F13A1: variants seen among roughly 807,000 people sequenced by gnomAD.
F13A1 encodes FSF, A subunit.
Under a neutral mutation model 80.1 loss-of-function variants are expected in F13A1, and 47 were observed. The ratio of observed to expected loss-of-function variants is 0.59; its 90% CI spans 0.46 to 0.75. The LOEUF is 0.75. Among genes scored for constraint, F13A1 ranks in the 30% least tolerant of loss-of-function variants. F13A1 has a pLI of 0.00. For synonymous variants in F13A1, 349 were observed against 344.9 expected (o/e 1.01, Z -0.13); for missense variants, 817 against 930.4 (o/e 0.88, Z 1.59).
At chr6:6,160,226 G>A (rs1012453091) in intron 13 of F13A1, among the ~76,000 whole-genome samples, 1 of 146,548 alleles carries the variant, frequency 6.8e-6, no homozygotes, top group Admixed American at 6.8e-5. Context: ...GCAGTGAGCC[G>A]AGATCACACC....
At chr6:6,310,303 T>C (rs2755413) in intron 2 of F13A1, among the ~76,000 whole-genome samples, 119,401 of 152,154 alleles carry the variant, frequency 0.78, 47,583 homozygotes, top group African/African-American at 0.93. Flanking sequence ...GGTTTCCAAA[T>C]GTAAATGACT....
intron 14 of F13A1, among the ~76,000 whole-genome samples, chr6:6,150,899 C>T (rs571131242): frequency 1.3e-5 from 2 of 152,140 alleles, no homozygotes; most frequent in Admixed American, 1.3e-4. Flanking sequence ...GAAATAAAGT[C>T]AGGACAGATA....
chr6:6,255,575 A>G (rs1757692510), intron 4 of F13A1, among the ~76,000 whole-genome samples: 1 of 152,098 alleles, frequency 6.6e-6, no homozygotes, highest in Non-Finnish European at 1.5e-5. Flanking sequence ...GATGGGGAAG[A>G]TGTCTGGAGC....
At chr6:6,246,550 A>C (rs1045015232) in intron 6 of F13A1, among the ~76,000 whole-genome samples, 2 of 152,224 alleles carry the variant, frequency 1.3e-5, no homozygotes, top group African/African-American at 2.4e-5. Context: ...TTCTCTGTCT[A>C]GTTTTAAATC....
chr6:6,185,425 T>C (rs2151078340), intron 10 of F13A1, among the ~76,000 whole-genome samples: 1 of 146,484 alleles, frequency 6.8e-6, no homozygotes, highest in Non-Finnish European at 1.5e-5. Context: ...AGAATGATGA[T>C]GTGATCTCAT....
chr6:6,267,184 T>A (rs1757857192), intron 3 of F13A1, among the ~76,000 whole-genome samples: 1 of 152,230 alleles, frequency 6.6e-6, no homozygotes, highest in Non-Finnish European at 1.5e-5. Context: ...TGTGCAATTC[T>A]GTGAGGATGC....
intron 1 of F13A1, among the ~76,000 whole-genome samples, chr6:6,320,032 G>A (rs921244991): frequency 7.8e-4 from 119 of 152,348 alleles, no homozygotes; most frequent in East Asian, 5.8e-4. Flanking sequence ...TGCTAAGGGG[G>A]AGAAGGGGGG....
intron 2 of F13A1, among the ~76,000 whole-genome samples, chr6:6,313,841 T>C (rs1758641699): frequency 1.3e-5 from 2 of 152,192 alleles, no homozygotes; most frequent in Admixed American, 1.3e-4. Flanking sequence ...GTTGAAGGAT[T>C]GCTCAGGTGC....
rs535808293 is a variant in F13A1 at position 6,320,559 on chromosome 6, CT to C, written c.-19+27del. The C allele has an allele frequency of 4.4e-4, 195 of 447,936 alleles. 1 individual carries two copies. Among genetic ancestry groups the C allele is most frequent in the African/African-American group, 3.1e-3 (152 of 49,458 alleles). 27.7% of individuals were successfully genotyped at this position (447,936 alleles called of 1,614,324 possible). ...AGAAGGTGGACGCAGCGGGCCCTGG[CT>C]CATAGGGTGCAGGGTCGGTGGCTTA... On this transcript the variant is annotated intron_variant, in intron 1 of 14. Transcript: ENST00000264870.
chr6:6,228,009 T>A (rs1483767191), intron 6 of F13A1, among the ~76,000 whole-genome samples: 1 of 152,186 alleles, frequency 6.6e-6, no homozygotes, highest in African/African-American at 2.4e-5. Context: ...ATATCTCCCC[T>A]CATAAGCAAC....
At chr6:6,210,895 A>AT (rs1459612807) in intron 8 of F13A1, among the ~76,000 whole-genome samples, 2 of 151,784 alleles carry the variant, frequency 1.3e-5, no homozygotes, top group East Asian at 1.9e-4. Context: ...CGCCCAGCTA[A>AT]TTTTTTTGTA....
At chr6:6,195,752 G>T (rs756017371) in intron 10 of F13A1, 45 bp downstream of exon 10, 2 of 1,547,232 alleles carry the variant, frequency 1.3e-6, no homozygotes, top group African/African-American at 2.7e-5. Flanking sequence ...CATGTGTTAA[G>T]AGGTTGGGGA....
chr6:6,186,602 A>C (rs1761084291), intron 10 of F13A1, among the ~76,000 whole-genome samples: 1 of 152,224 alleles, frequency 6.6e-6, no homozygotes, highest in South Asian at 2.1e-4. Flanking sequence ...TGGTACCAGT[A>C]CCATGCTGTT....
At chr6:6,157,434 C>CT (rs3059190) in intron 13 of F13A1, among the ~76,000 whole-genome samples, 12,778 of 150,474 alleles carry the variant, frequency 0.085, 585 homozygotes, top group Middle Eastern at 0.1. Context: ...AAAATAGAAA[C>CT]TTTTTTTTTT....
intron 2 of F13A1, among the ~76,000 whole-genome samples, chr6:6,317,356 T>C (rs55742486): frequency 0.29 from 43,542 of 152,004 alleles, 6,581 homozygotes; most frequent in Non-Finnish European, 0.32. Context: ...GAGAGTGGCA[T>C]CCAGCTGGGA....
intron 6 of F13A1, among the ~76,000 whole-genome samples, chr6:6,239,326 T>A (rs1440509541): frequency 1.5e-4 from 23 of 152,118 alleles, no homozygotes; most frequent in Admixed American, 1.5e-3. Context: ...GAGGTGGGGA[T>A]TGACCGGAAG....
intron 3 of F13A1, among the ~76,000 whole-genome samples, chr6:6,293,288 G>T (rs1315711814): frequency 6.6e-6 from 1 of 151,990 alleles, no homozygotes; most frequent in East Asian, 1.9e-4. Flanking sequence ...ACCCTCAACT[G>T]GGTATCAAAA....
rs575581821 is a variant in F13A1 at position 6,293,782 on chromosome 6, AGAGGGAGGGAGG to A, written c.319+11557_319+11568del. 3.2e-3 allele frequency among the ~76,000 whole-genome samples: 213 copies of A among 66,914 alleles called. 1 individual carries two copies. The highest frequency in any genetic ancestry group is 0.011 in the South Asian group (15 of 1,410). The allele number at this position is 66,914 out of a possible 152,430, so 43.9% of individuals were successfully genotyped here. On this transcript the variant is annotated intron_variant, in intron 3 of 14. Coordinates refer to ENST00000264870, the MANE Select transcript of F13A1 (RefSeq NM_000129.4). ...GGAAGGAATGGAGGGAGTGAGAGAG[AGAGGGAGGGAGG>A]GAGGGAGGGAGGGAGGGAGGGAGGG...
At chr6:6,291,202 G>A (rs553405560) in intron 3 of F13A1, among the ~76,000 whole-genome samples, 8 of 151,902 alleles carry the variant, frequency 5.3e-5, no homozygotes, top group East Asian at 3.9e-4. Context: ...CCTCTTTCTC[G>A]ACAACCTTGG....
Sources: allele counts gnomAD v4.1 joint callset (sites outside exome capture counted in the v4.1 genomes callset), GRCh38; gene constraint gnomAD v4.1.1; transcripts MANE v1.5; gene names NCBI Gene and HGNC (gene_info 2026-07-23, HGNC 2026-07-21).